Variants in STX18 observed in about 807,000 individuals in gnomAD.
STX18 encodes syntaxin-18.
Under a neutral mutation model 50.1 loss-of-function variants are expected in STX18, and 40 were observed. The ratio of observed to expected loss-of-function variants is 0.80; its 90% CI spans 0.62 to 1.04. STX18 has a LOEUF of 1.04. STX18 is among the 50% of genes least tolerant of loss of function. The pLI, the probability that STX18 is intolerant of heterozygous loss-of-function variation, is 0.00. For missense variants in STX18, 410 were observed against 415.8 expected, an observed-to-expected ratio of 0.99 and a Z score of 0.12; for synonymous variants, 158 against 151.8, an observed-to-expected ratio of 1.04 and a Z score of -0.30.
intron 1 of STX18, among the ~76,000 whole-genome samples, chr4:4,509,092 C>G (rs1290931102): frequency 6.6e-6 from 1 of 152,158 alleles, no homozygotes; most frequent in Non-Finnish European, 1.5e-5. Flanking sequence ...AATGGGATTG[C>G]TAGGTCAAAT....
Position 4,420,995 on chromosome 4 carries a change from G to A in STX18, c.832-51C>T. ...TTGAGTATCCTTTATCCAAAAACCT[G>A]AAACCCAAAATGCTCCAACGAGCAT... is the stretch of plus-strand genomic sequence containing the variant. On this transcript the variant is annotated intron_variant, in intron 9 of 10. Coordinates refer to ENST00000306200, the MANE Select transcript of STX18 (RefSeq NM_016930.4). The surrounding 1 kb of genome is among the most constrained non-coding windows in gnomAD (Gnocchi z 4.3). The A allele has an allele frequency of 2.5e-6, 4 of 1,576,246 alleles. No individual in the cohort carries two copies. The highest frequency in any genetic ancestry group is 3.5e-6 in the Non-Finnish European group (4 of 1,147,372).
At chr4:4,479,701 A>G (rs1176965146) in intron 1 of STX18, among the ~76,000 whole-genome samples, 2 of 152,256 alleles carry the variant, frequency 1.3e-5, no homozygotes, top group Non-Finnish European at 2.9e-5. Context: ...TCATCAAGAC[A>G]TTGAAATTCT....
chr4:4,446,019 A>T (rs1342236043), intron 5 of STX18, among the ~76,000 whole-genome samples: 1 of 152,254 alleles, frequency 6.6e-6, no homozygotes, highest in African/African-American at 2.4e-5. Context: ...AGAAACAGAC[A>T]TATACATGTT....
In STX18 at chr4:4,420,010, C is replaced by T. The variant is rs200405508; in HGVS notation, c.*24G>A. On this transcript the variant is annotated 3_prime_UTR_variant, in exon 11 of 11. Coordinates refer to ENST00000306200, the MANE Select transcript of STX18 (RefSeq NM_016930.4). The surrounding 1 kb of genome is among the most constrained non-coding windows in gnomAD (Gnocchi z 4.3). ...GTCTGTGAGTGCCCATGAGGACTCT[C>T]GTGCTGGGCCCCCGTGGCCCTGGCT... is the stretch of plus-strand genomic sequence containing the variant. The T allele has an allele frequency of 8.7e-4, 1,389 of 1,592,440 alleles. 32 individuals are homozygous for T. The South Asian group carries it at 0.014, about 16-fold the overall frequency.
At chr4:4,465,248 T>C (rs1426366360) in intron 2 of STX18, among the ~76,000 whole-genome samples, 4 of 152,208 alleles carry the variant, frequency 2.6e-5, no homozygotes, top group Admixed American at 6.5e-5. Flanking sequence ...TTACTGGGTA[T>C]CTACCCAAAG....
At chr4:4,525,722 T>C (rs1730718396) in intron 1 of STX18, among the ~76,000 whole-genome samples, 1 of 152,036 alleles carries the variant, frequency 6.6e-6, no homozygotes, top group South Asian at 2.1e-4. Context: ...ATAAACAATA[T>C]CATTTGAGAG....
upstream of STX18, chr4:4,542,299 G>C (rs1731655782): frequency 4.4e-6 from 1 of 229,692 alleles, no homozygotes; most frequent in Admixed American, 5.8e-5. Context: ...CGTGAGGACC[G>C]GGAAGCTAGG....
intron 5 of STX18, among the ~76,000 whole-genome samples, chr4:4,442,102 T>C (rs1017507380): frequency 6.6e-6 from 1 of 152,098 alleles, no homozygotes; most frequent in African/African-American, 2.4e-5. Flanking sequence ...AGTGTGGTAT[T>C]AGAGCATGAA....
At chr4:4,523,277 C>T (rs1402064358) in intron 1 of STX18, among the ~76,000 whole-genome samples, 3 of 152,208 alleles carry the variant, frequency 2.0e-5, no homozygotes, top group African/African-American at 7.2e-5. Flanking sequence ...TCTCTGCTGG[C>T]TTCTCAAATG....
At chr4:4,467,534 T>C (rs1426135472) in intron 2 of STX18, among the ~76,000 whole-genome samples, 1 of 152,176 alleles carries the variant, frequency 6.6e-6, no homozygotes, top group Non-Finnish European at 1.5e-5. Context: ...AAGGATTCCA[T>C]GGCCAGCCCT....
At chr4:4,508,072 CAGG>C (rs1729812063) in intron 1 of STX18, among the ~76,000 whole-genome samples, 4 of 152,162 alleles carry the variant, frequency 2.6e-5, no homozygotes, top group Admixed American at 2.0e-4. Context: ...CATCACTGCT[CAGG>C]AGAATTATTA....
intron 7 of STX18, among the ~76,000 whole-genome samples, chr4:4,427,699 T>C (rs1725320440): frequency 2.0e-5 from 3 of 152,254 alleles, no homozygotes; most frequent in South Asian, 4.1e-4. Flanking sequence ...GCTTTTCTTG[T>C]TTCCTCCCCA....
At chr4:4,541,770 C>T in intron 1 of STX18, 27 bp downstream of exon 1, 3 of 1,590,862 alleles carry the variant, frequency 1.9e-6, no homozygotes, top group Non-Finnish European at 2.6e-6. Context: ...CCTCCTCAAC[C>T]CGCCGTTTCC....
intron 5 of STX18, among the ~76,000 whole-genome samples, chr4:4,444,012 T>C (rs1468960140): frequency 6.6e-6 from 1 of 151,830 alleles, no homozygotes; most frequent in South Asian, 2.1e-4. Context: ...GAGAGTATCT[T>C]TGTATACCTG....
chr4:4,477,546 C>A (rs1204096509), intron 1 of STX18, among the ~76,000 whole-genome samples: 1 of 152,184 alleles, frequency 6.6e-6, no homozygotes, highest in Non-Finnish European at 1.5e-5. Context: ...CCCAGCAATG[C>A]CCAGGAGCAG....
chr4:4,512,306 C>A (rs1297401899), intron 1 of STX18, among the ~76,000 whole-genome samples: 7 of 151,914 alleles, frequency 4.6e-5, no homozygotes, highest in Non-Finnish European at 5.9e-5. Context: ...GGCCTCTGGA[C>A]TAAGAATAAT....
At chr4:4,457,397 T>A in intron 4 of STX18, 26 bp downstream of exon 4, 20 of 1,602,788 alleles carry the variant, frequency 1.2e-5, no homozygotes, top group Non-Finnish European at 1.7e-5. Flanking sequence ...AATGTTACAT[T>A]TGACCTTTAA....
intron 1 of STX18, among the ~76,000 whole-genome samples, chr4:4,475,642 A>C (rs899494813): frequency 1.3e-5 from 2 of 152,250 alleles, no homozygotes; most frequent in African/African-American, 4.8e-5. Flanking sequence ...ACTCTTGGCC[A>C]AGCTTAATCT....
At chr4:4,423,441 G>A in intron 9 of STX18, 77 bp downstream of exon 9, 2 of 1,429,964 alleles carry the variant, frequency 1.4e-6, no homozygotes, top group South Asian at 2.3e-5. Context: ...AGCAGCCTTT[G>A]GGAAAAATGT....
Sources: gnomAD v4.1 joint callset for allele counts (sites outside exome capture counted in the v4.1 genomes callset) on GRCh38, gnomAD v4.1.1 for gene constraint, Gnocchi (gnomAD v3.1) non-coding constraint, MANE v1.5 for transcripts, NCBI Gene and HGNC (gene_info 2026-07-23, HGNC 2026-07-21) for gene names.